Variants in SEMA6D observed in about 807,000 individuals in gnomAD.
SEMA6D encodes semaphorin-6D.
In SEMA6D, 35 loss-of-function variants were observed where a neutral mutation model predicts 106.6. That is an observed-to-expected ratio of 0.33 (90% CI 0.25 to 0.44). SEMA6D has a LOEUF of 0.44. Ranked by LOEUF, SEMA6D falls within the 20% of genes least tolerant of loss-of-function variation. The pLI is 1.00. For missense variants in SEMA6D, 1,185 were observed against 1,345.9 expected (o/e 0.88, Z 1.87); for synonymous variants, 499 against 487.7 (o/e 1.02, Z -0.31).
chr15:47,472,218 G>T (rs1322012302), intron 3 of SEMA6D, among the ~76,000 whole-genome samples: 1 of 152,126 alleles, frequency 6.6e-6, no homozygotes, highest in African/African-American at 2.4e-5. Context: ...ACTAGCATGG[G>T]CTCTAAATCC....
intron 1 of SEMA6D, among the ~76,000 whole-genome samples, chr15:47,214,881 T>A (rs2141267659): frequency 6.6e-6 from 1 of 152,222 alleles, no homozygotes; most frequent in Non-Finnish European, 1.5e-5. Flanking sequence ...CATCAGAACT[T>A]CTTACTGTTG....
chr15:47,237,781 A>C (rs541083197), intron 1 of SEMA6D, among the ~76,000 whole-genome samples: 1 of 152,120 alleles, frequency 6.6e-6, no homozygotes, highest in African/African-American at 2.4e-5. Flanking sequence ...GAGCACAAAA[A>C]TCTTTGAGGG....
rs750319962 is a variant in SEMA6D, at chr15:47,765,491, AC to A, written c.1428-377del. ...AATATTTAGACCATTAAAAAAAAAA[AC>A]AAATAAGAAATAGAAGAGAGAAATG... On this transcript the variant is annotated intron_variant, in intron 13 of 18. Transcript: ENST00000536845. 2.1e-4 allele frequency: 178 copies of A among 862,642 alleles called. No individual in the cohort carries two copies. The African/African-American group carries it at 2.5e-3, about 12-fold the overall frequency. The allele number at this position is 862,642 out of a possible 1,614,324, so 53.4% of individuals were successfully genotyped here.
At chr15:47,542,061 A>G (rs1362340117) in intron 3 of SEMA6D, among the ~76,000 whole-genome samples, 1 of 152,202 alleles carries the variant, frequency 6.6e-6, no homozygotes, top group Non-Finnish European at 1.5e-5. Context: ...GAAGACATTG[A>G]CAGTCAGTGA....
intron 1 of SEMA6D, among the ~76,000 whole-genome samples, chr15:47,334,008 CAAGA>C (rs1567005866): frequency 6.6e-6 from 1 of 151,698 alleles, no homozygotes; most frequent in Non-Finnish European, 1.5e-5. Flanking sequence ...CCAGAGAGGC[CAAGA>C]AAGATCTGAA....
chr15:47,574,792 T>A (rs544506148), intron 3 of SEMA6D, among the ~76,000 whole-genome samples: 3 of 152,346 alleles, frequency 2.0e-5, no homozygotes, highest in African/African-American at 7.2e-5. Context: ...TTCTTTTGGA[T>A]AGAGCCTGAT....
intron 1 of SEMA6D, among the ~76,000 whole-genome samples, chr15:47,190,917 C>T (rs376223744): frequency 6.6e-6 from 1 of 152,066 alleles, no homozygotes; most frequent in African/African-American, 2.4e-5. Flanking sequence ...TACCTGTAAT[C>T]GCAGAACTTT....
intron 1 of SEMA6D, among the ~76,000 whole-genome samples, chr15:47,338,740 C>T (rs2037678522): frequency 6.6e-6 from 1 of 152,102 alleles, no homozygotes; most frequent in African/African-American, 2.4e-5. Flanking sequence ...AAGGGGCAGC[C>T]TGTGATGTTA....
chr15:47,379,598 G>A (rs1238836530), intron 1 of SEMA6D, among the ~76,000 whole-genome samples: 1 of 152,194 alleles, frequency 6.6e-6, no homozygotes, highest in Non-Finnish European at 1.5e-5. Flanking sequence ...ATACAGATGA[G>A]ATTAATCAGA....
chr15:47,673,741 T>C (rs890363639), intron 4 of SEMA6D, among the ~76,000 whole-genome samples: 2 of 152,022 alleles, frequency 1.3e-5, no homozygotes, highest in African/African-American at 4.8e-5. Flanking sequence ...GGAAGACAGA[T>C]TACGGAGAGA....
rs1401383855 is a variant in SEMA6D at position 47,761,679 on chromosome 15, G to C, written c.466G>C (p.Asp156His). 8 of 1,613,272 alleles carry C rather than the reference G, an allele frequency of 5.0e-6. No homozygotes were observed. The East Asian group carries it at 1.8e-4, about 36-fold the overall frequency. Residue 156 changes from aspartate to histidine, a missense_variant, in exon 7 of 19, where the codon GAT becomes CAT. Asp to His is a moderately conservative substitution (Grantham distance 81). Around this residue, in one of 3 missense-constraint regions of SEMA6D, gnomAD observed 291 missense variants for 423.8 expected, o/e 0.69. Transcript: ENST00000536845. Reference sequence around the variant, plus strand: ...TTTGTAGTTGAGTACCTTAGAATATGATGGGGAAGAAATTAGTGGCCTGGC... The same window carrying C: ...TTTGTAGTTGAGTACCTTAGAATATCATGGGGAAGAAATTAGTGGCCTGGC... ...RYYRLSTLEYDGEEISGLARC... is the reference protein window; with the variant it reads ...RYYRLSTLEYHGEEISGLARC...
intron 1 of SEMA6D, among the ~76,000 whole-genome samples, chr15:47,315,262 A>G (rs2036619597): frequency 6.6e-6 from 1 of 152,110 alleles, no homozygotes; most frequent in Admixed American, 6.5e-5. Context: ...TTTTGAGTTA[A>G]TTCTTGTAAA....
chr15:47,251,108 C>A (rs940092977), intron 1 of SEMA6D, among the ~76,000 whole-genome samples: 3 of 152,034 alleles, frequency 2.0e-5, no homozygotes, highest in African/African-American at 7.3e-5. Flanking sequence ...TGCCAGAAAC[C>A]CCCAATACAA....
intron 1 of SEMA6D, among the ~76,000 whole-genome samples, chr15:47,279,616 G>C (rs934565579): frequency 7.3e-5 from 11 of 150,962 alleles, no homozygotes; most frequent in African/African-American, 2.7e-4. Flanking sequence ...GTTTTCAAAG[G>C]GAATGCTTTC....
intron 4 of SEMA6D, among the ~76,000 whole-genome samples, chr15:47,690,311 T>C (rs1003425826): frequency 6.6e-6 from 1 of 152,142 alleles, no homozygotes; most frequent in African/African-American, 2.4e-5. Flanking sequence ...GGAATAAAGA[T>C]GGGAAAGGAA....
At chr15:47,265,577 T>C (rs2034278088) in intron 1 of SEMA6D, among the ~76,000 whole-genome samples, 1 of 152,064 alleles carries the variant, frequency 6.6e-6, no homozygotes, top group South Asian at 2.1e-4. Context: ...CTCTGTTAAA[T>C]CTAACATCTG....
At chr15:47,428,471 AGTGGGT>A (rs2041421299) in intron 2 of SEMA6D, among the ~76,000 whole-genome samples, 19 of 34,336 alleles carry the variant, frequency 5.5e-4, no homozygotes, top group South Asian at 1.3e-3. Context: ...TACCCTTAAA[AGTGGGT>A]AAAATGGGGC....
At chr15:47,482,117 G>A (rs1347114034) in intron 3 of SEMA6D, among the ~76,000 whole-genome samples, 3 of 152,130 alleles carry the variant, frequency 2.0e-5, no homozygotes, top group East Asian at 3.9e-4. Flanking sequence ...TAAGGATGGG[G>A]AAGGAAGGTC....
chr15:47,683,182 A>G (rs2078395766), intron 4 of SEMA6D, among the ~76,000 whole-genome samples: 1 of 152,198 alleles, frequency 6.6e-6, no homozygotes, highest in South Asian at 2.1e-4. Context: ...TTATACCCAA[A>G]TGGTAATTTT....
Sources: gnomAD v4.1 joint callset for allele counts (sites outside exome capture counted in the v4.1 genomes callset) on GRCh38, gnomAD v4.1.1 for gene constraint, gnomAD v4.1.1 regional missense constraint, MANE v1.5 for transcripts, NCBI Gene and HGNC (gene_info 2026-07-23, HGNC 2026-07-21) for gene names.